Variants in MTARC2 observed in about 807,000 individuals in gnomAD.
MTARC2 encodes the protein mitochondrial amidoxime reducing component 2, also known as MOCO sulphurase C-terminal domain containing 2.
Under a neutral mutation model 35.6 loss-of-function variants are expected in MTARC2, and 27 were observed. That is an observed-to-expected ratio of 0.76 (90% CI 0.56 to 1.04). MTARC2 has a LOEUF of 1.04. MTARC2 is among the 50% of genes least tolerant of loss of function. The pLI is 0.00. For synonymous variants in MTARC2, 158 were observed against 167.1 expected, an observed-to-expected ratio of 0.95 and a Z score of 0.42; for missense variants, 412 against 432.5, an observed-to-expected ratio of 0.95 and a Z score of 0.42.
intron 4 of MTARC2, among the ~76,000 whole-genome samples, chr1:220,766,466 T>C (rs939337702): frequency 2.0e-5 from 3 of 152,164 alleles, no homozygotes; most frequent in African/African-American, 7.2e-5. Context: ...TACTAAAGAT[T>C]GGAATGGAAA....
At chr1:220,751,679 C>T (rs80115160) in intron 1 of MTARC2, among the ~76,000 whole-genome samples, 6,698 of 152,140 alleles carry the variant, frequency 0.044, 366 homozygotes, top group African/African-American at 0.12. Context: ...TCCACTTACC[C>T]GTTGCTGTTG....
chr1:220,776,379 G>C (rs1284583969), intron 4 of MTARC2, among the ~76,000 whole-genome samples: 2 of 151,962 alleles, frequency 1.3e-5, no homozygotes, highest in East Asian at 3.9e-4. Context: ...TGTATGTCTA[G>C]TAGAATGTAA....
intron 2 of MTARC2, 121 bp downstream of exon 2, chr1:220,755,241 T>A: frequency 1.8e-6 from 2 of 1,083,942 alleles, no homozygotes; most frequent in Non-Finnish European, 2.6e-6. Context: ...AGGAAACATT[T>A]AAGAGAAGTG....
intron 4 of MTARC2, among the ~76,000 whole-genome samples, chr1:220,773,198 G>C (rs1671792581): frequency 6.6e-6 from 1 of 152,168 alleles, no homozygotes; most frequent in South Asian, 2.1e-4. Context: ...GCTGGAGGTT[G>C]AGTTCAGTCA....
chr1:220,767,895 C>G (rs1382090513), intron 4 of MTARC2, among the ~76,000 whole-genome samples: 2 of 152,220 alleles, frequency 1.3e-5, no homozygotes, highest in Non-Finnish European at 2.9e-5. Flanking sequence ...TTGAGAAACA[C>G]AGTTTTTGTA....
chr1:220,768,750 A>G (rs879380301), intron 4 of MTARC2, among the ~76,000 whole-genome samples: 1 of 152,158 alleles, frequency 6.6e-6, no homozygotes, highest in Non-Finnish European at 1.5e-5. Context: ...ATTAGCCTGA[A>G]TTTCATGTTC....
intron 7 of MTARC2, among the ~76,000 whole-genome samples, chr1:220,783,174 C>G (rs1672128335): frequency 6.6e-6 from 1 of 152,232 alleles, no homozygotes; most frequent in African/African-American, 2.4e-5. Context: ...CAGTCAGCTT[C>G]TTATAACATT....
chr1:220,769,934 C>CAAAAAAAGAAAA (rs1671693223), intron 4 of MTARC2, among the ~76,000 whole-genome samples: 1 of 63,426 alleles, frequency 1.6e-5, no homozygotes, highest in Non-Finnish European at 2.8e-5. Context: ...ACTAAAAATA[C>CAAAAAAAGAAAA]AAAAAAAAAA....
Position 220,780,034 on chromosome 1 carries a change from T to C in MTARC2, c.767T>C (p.Leu256Pro). ...TTCTCTTAGGATACCTGGGATGAACTCCTAATTGGTAGTGTAGAAGTGAAA... is the reference window on the plus strand; with the variant it reads ...TTCTCTTAGGATACCTGGGATGAACCCCTAATTGGTAGTGTAGAAGTGAAA... ...DAFEEDTWDE[L>P]LIGSVEVKKV... is the part of the protein sequence containing the mutation. The change falls in exon 5 of 8, where the codon CTC becomes CCC. Residue 256 changes from leucine (L) to proline (P), a missense_variant. Transcript: ENST00000366913. 1 of 1,535,914 alleles carries C rather than the reference T, an allele frequency of 6.5e-7. No homozygotes were observed. Among genetic ancestry groups the C allele is most frequent in the Non-Finnish European group, 8.7e-7 (1 of 1,152,122 alleles).
chr1:220,777,572 C>A (rs1401570921), intron 4 of MTARC2, among the ~76,000 whole-genome samples: 3 of 152,208 alleles, frequency 2.0e-5, no homozygotes, highest in Non-Finnish European at 4.4e-5. Flanking sequence ...CTCCGAATTC[C>A]TTAGACTCAC....
rs1671852155 is a variant in MTARC2, at chr1:220,774,898, T to G, written c.751-5120T>G. On this transcript the variant is annotated intron_variant, in intron 4 of 7. Transcript: ENST00000366913. ...ATTCTTCACATCTGTATCTACTTCC[T>G]CTGTCTGTGTGGATATAGCCATGCA... Among the ~76,000 whole-genome samples the G allele has an allele frequency of 2.0e-5, 3 of 151,914 alleles. No individual in the cohort carries two copies. In the South Asian group the frequency reaches 6.3e-4, roughly 32 times the overall value.
At chr1:220,763,885 G>A (rs1405002264) in intron 4 of MTARC2, among the ~76,000 whole-genome samples, 1 of 152,094 alleles carries the variant, frequency 6.6e-6, no homozygotes, top group Admixed American at 6.5e-5. Context: ...GAAACTCAGA[G>A]GTGTTATACA....
At chr1:220,769,573 G>T (rs1046388811) in intron 4 of MTARC2, among the ~76,000 whole-genome samples, 1 of 152,150 alleles carries the variant, frequency 6.6e-6, no homozygotes, top group African/African-American at 2.4e-5. Flanking sequence ...GTCGTAACTG[G>T]CAGGAGTTGC....
rs919851548 is a variant in MTARC2 at position 220,783,943 on chromosome 1, C to G, written c.*56C>G. On this transcript the variant is annotated 3_prime_UTR_variant, in exon 8 of 8. Coordinates refer to ENST00000366913, the MANE Select transcript of MTARC2 (RefSeq NM_017898.5). ...GGCTTCAGCAACCAGGAGGGATTGACTGAGATCTTAACAACAGCAGCAACG... is the reference window on the plus strand; with the variant it reads ...GGCTTCAGCAACCAGGAGGGATTGAGTGAGATCTTAACAACAGCAGCAACG... 7.0e-6 allele frequency: 5 copies of G among 717,356 alleles called. No homozygotes were observed. In the African/African-American group the frequency reaches 8.7e-5, roughly 13 times the overall value. 44.4% of individuals were successfully genotyped at this position (717,356 alleles called of 1,614,324 possible).
At chr1:220,781,407 T>G (rs938929947) in intron 6 of MTARC2, among the ~76,000 whole-genome samples, 2 of 152,358 alleles carry the variant, frequency 1.3e-5, no homozygotes, top group Non-Finnish European at 2.9e-5. Context: ...GGTGCTTAAA[T>G]GCACTAAACA....
At position 220,775,211 on chromosome 1, in the gene MTARC2, T is replaced by G. The variant is rs79554190; in HGVS notation, c.751-4807T>G. Among the ~76,000 whole-genome samples, 819 of 148,130 alleles carry G rather than the reference T, an allele frequency of 5.5e-3. 3 individuals carry two copies. The East Asian group carries it at 0.059, about 11-fold the overall frequency. On this transcript the variant is annotated intron_variant, in intron 4 of 7. Coordinates refer to ENST00000366913, the MANE Select transcript of MTARC2 (RefSeq NM_017898.5). ...CTGCTTGTGATGGAAAACCCTCTAGTCCTAATTTAGTATTTACAAGATGTG... is the reference window on the plus strand; with the variant it reads ...CTGCTTGTGATGGAAAACCCTCTAGGCCTAATTTAGTATTTACAAGATGTG...
At chr1:220,763,145 AG>A in intron 4 of MTARC2, 95 bp downstream of exon 4, 6 of 1,548,782 alleles carry the variant, frequency 3.9e-6, no homozygotes, top group Non-Finnish European at 5.3e-6. Context: ...CAGATCCGCC[AG>A]GGTCCAGTCA....
intron 2 of MTARC2, among the ~76,000 whole-genome samples, chr1:220,760,166 C>G (rs114530931): frequency 0.013 from 1,961 of 152,278 alleles, 15 homozygotes; most frequent in Non-Finnish European, 0.019. Context: ...TGTCTGTCCA[C>G]CCCACATCTT....
intron 4 of MTARC2, among the ~76,000 whole-genome samples, 184 bp downstream of exon 4, chr1:220,763,234 C>CG (rs1418605162): frequency 6.6e-6 from 1 of 152,064 alleles, no homozygotes; most frequent in Non-Finnish European, 1.5e-5. Flanking sequence ...ACGCTGGCCT[C>CG]GGGGGGCGTT....
Sources: gnomAD v4.1 joint callset for allele counts (sites outside exome capture counted in the v4.1 genomes callset) on GRCh38, gnomAD v4.1.1 for gene constraint, MANE v1.5 for transcripts, NCBI Gene and HGNC (gene_info 2026-07-23, HGNC 2026-07-21) for gene names.